SLC9D1: variants seen among roughly 807,000 people sequenced by gnomAD.
SLC9D1 encodes the protein solute carrier family 9 member D1, also known as putative LAG1-interacting protein.
chr13:113,516,578 A>G, the SLC9D1 span, among the ~76,000 whole-genome samples: 377 of 149,392 alleles, frequency 2.5e-3, 1 homozygote, highest in African/African-American at 8.7e-3. Flanking sequence ...AAAAAAAAAA[A>G]AGAAAAGAAA....
the SLC9D1 span, among the ~76,000 whole-genome samples, chr13:113,532,308 C>T: frequency 2.3e-4 from 35 of 152,346 alleles, no homozygotes; most frequent in Admixed American, 3.9e-4. Flanking sequence ...AGCCCCCAGA[C>T]GCACAGGCTC....
chr13:113,492,957 C>A, the SLC9D1 span, among the ~76,000 whole-genome samples: 1 of 152,146 alleles, frequency 6.6e-6, no homozygotes, highest in African/African-American at 2.4e-5. Context: ...TTTTTAATAA[C>A]TAGAACAGCT....
the SLC9D1 span, among the ~76,000 whole-genome samples, chr13:113,492,622 G>T: frequency 6.6e-6 from 1 of 152,208 alleles, no homozygotes. Context: ...GAAATTCTAA[G>T]AATTCATTAT....
the SLC9D1 span, among the ~76,000 whole-genome samples, chr13:113,499,203 G>T: frequency 6.6e-6 from 1 of 152,196 alleles, no homozygotes. Context: ...TTAGTATATA[G>T]TGAGCAGTGA....
the SLC9D1 span, among the ~76,000 whole-genome samples, chr13:113,526,618 C>G: frequency 5.3e-5 from 8 of 152,030 alleles, no homozygotes; most frequent in Non-Finnish European, 8.8e-5. Context: ...ACTCTGGAGG[C>G]GAAGGCTGTA....
chr13:113,538,948 G>C, the SLC9D1 span, among the ~76,000 whole-genome samples: 1 of 152,218 alleles, frequency 6.6e-6, no homozygotes, highest in African/African-American at 2.4e-5. Context: ...CGGGGCTGTT[G>C]CTTGTCGTCC....
chr13:113,492,102 C>G, the SLC9D1 span, among the ~76,000 whole-genome samples: 1 of 152,226 alleles, frequency 6.6e-6, no homozygotes, highest in African/African-American at 2.4e-5. Flanking sequence ...GCCTCAGCCT[C>G]CCCAGGAGCT....
At chr13:113,527,103 T>A in the SLC9D1 span, among the ~76,000 whole-genome samples, 1 of 152,330 alleles carries the variant, frequency 6.6e-6, no homozygotes, top group Non-Finnish European at 1.5e-5. Context: ...TGTGTCCCCA[T>A]TGTGAAGTGG....
chr13:113,536,093 T>G, the SLC9D1 span, among the ~76,000 whole-genome samples: 1 of 152,208 alleles, frequency 6.6e-6, no homozygotes, highest in Non-Finnish European at 1.5e-5. Flanking sequence ...ATAAAAAGTT[T>G]CCGGCTGGGC....
chr13:113,513,458 G>GT, the SLC9D1 span, among the ~76,000 whole-genome samples: 1 of 152,132 alleles, frequency 6.6e-6, no homozygotes, highest in African/African-American at 2.4e-5. Flanking sequence ...GTTTGAGTTT[G>GT]TTTTTTTAAA....
chr13:113,513,729 A>G, the SLC9D1 span, among the ~76,000 whole-genome samples: 1 of 152,252 alleles, frequency 6.6e-6, no homozygotes, highest in Admixed American at 6.5e-5. Context: ...GACTCCATTC[A>G]TAAAGATGTC....
At chr13:113,549,883 AAAG>A in the SLC9D1 span, 1 of 524,454 alleles carries the variant, frequency 1.9e-6, no homozygotes, top group Non-Finnish European at 3.3e-6. Flanking sequence ...TTTTTTTAGT[AAAG>A]AAGCAAAATT....
At chr13:113,537,290 T>C in the SLC9D1 span, among the ~76,000 whole-genome samples, 1 of 152,198 alleles carries the variant, frequency 6.6e-6, no homozygotes, top group Non-Finnish European at 1.5e-5. Context: ...CCCAATTATA[T>C]CCACCTCCCC....
the SLC9D1 span, chr13:113,547,467 C>G: frequency 9.0e-7 from 1 of 1,112,170 alleles, no homozygotes; most frequent in Non-Finnish European, 1.4e-6. Flanking sequence ...GGGCCCACAT[C>G]GGGCCTGCAG....
At chr13:113,508,032 G>T in the SLC9D1 span, among the ~76,000 whole-genome samples, 1 of 152,148 alleles carries the variant, frequency 6.6e-6, no homozygotes, top group Non-Finnish European at 1.5e-5. Flanking sequence ...CACGGGTCCC[G>T]TGTTGAACAG....
At chr13:113,539,642 A>G in the SLC9D1 span, 5 of 960,458 alleles carry the variant, frequency 5.2e-6, no homozygotes, top group African/African-American at 1.7e-5. The surrounding 1 kb of genome is among the most constrained non-coding windows in gnomAD (Gnocchi z 4.8). Context: ...GCATATTTCA[A>G]TTTGGATTGC....
At chr13:113,507,446 A>G in the SLC9D1 span, among the ~76,000 whole-genome samples, 1 of 152,216 alleles carries the variant, frequency 6.6e-6, no homozygotes, top group East Asian at 1.9e-4. Context: ...TGCACACCAC[A>G]CTTATGGGTG....
At chr13:113,544,842 G>T in the SLC9D1 span, among the ~76,000 whole-genome samples, 1 of 152,266 alleles carries the variant, frequency 6.6e-6, no homozygotes, top group Non-Finnish European at 1.5e-5. Context: ...GAGCCTGAAC[G>T]TAGGAGTTCG....
At chr13:113,510,544 T>A in the SLC9D1 span, 2 of 899,546 alleles carry the variant, frequency 2.2e-6, no homozygotes, top group African/African-American at 1.7e-5. Context: ...CTCTTAGGAC[T>A]TTCCTAACCA....
Sources: allele counts gnomAD v4.1 joint callset (sites outside exome capture counted in the v4.1 genomes callset), GRCh38; gene constraint gnomAD v4.1.1; non-coding constraint Gnocchi (gnomAD v3.1); transcripts MANE v1.5; gene names NCBI Gene and HGNC (gene_info 2026-07-23, HGNC 2026-07-21).